GRN: variants seen among roughly 807,000 people sequenced by gnomAD.
GRN encodes the protein progranulin.
A neutral mutation model predicts 66.7 loss-of-function variants in GRN; 30 were observed. The ratio of observed to expected loss-of-function variants is 0.45; its 90% CI spans 0.34 to 0.61. The LOEUF (loss-of-function observed/expected upper bound fraction) is 0.61, where lower values mean the gene tolerates loss of function less well. GRN is among the 20% of genes least tolerant of loss of function. The pLI is 0.01. For synonymous variants in GRN, 327 were observed against 311.1 expected (o/e 1.05, Z -0.54); for missense variants, 731 against 803.5 (o/e 0.91, Z 1.09).
rs754784165 is a variant in GRN, at chr17:44,350,681, C to T, written c.599-10C>T. On this transcript the variant is annotated splice_polypyrimidine_tract_variant and intron_variant, in intron 6 of 12. Coordinates refer to ENST00000053867, the MANE Select transcript of GRN (RefSeq NM_002087.4). ...ATCCTGGCTGCCCCTCACGTTTGCT[C>T]CTCTTCCAGTGGCCTTGTCCAGCTC... is the stretch of plus-strand genomic sequence containing the variant. 4 of 1,613,080 alleles carry T rather than the reference C, an allele frequency of 2.5e-6. No individual in the cohort carries two copies. In the African/African-American group the frequency reaches 4.0e-5, roughly 16 times the overall value.
rs369538000 is a variant in GRN at position 44,352,101 on chromosome 17, C to T, written c.1266C>T (p.Ile422=). ...GGCAGTGTCAGCGAGGAAGCGAGAT[C>T]GTGGCTGGACTGGAGAAGATGCCTG... ...AEGQCQRGSE[I]VAGLEKMPAR... Residue 422 remains isoleucine (I), a synonymous_variant, in exon 11 of 13, where the codon ATC becomes ATT. Coordinates refer to ENST00000053867, the MANE Select transcript of GRN (RefSeq NM_002087.4). 3.7e-6 allele frequency: 6 copies of T among 1,613,770 alleles called. No individual in the cohort carries two copies. The highest frequency in any genetic ancestry group is 2.2e-5 in the East Asian group (1 of 44,896).
chr17:44,350,184 T>G, intron 4 of GRN, 44 bp from the exon 5 acceptor site: 1 of 1,294,828 alleles, frequency 7.7e-7, no homozygotes, highest in Non-Finnish European at 1.1e-6. Context: ...GGGAGTCACC[T>G]TCCCTGAGTG....
intron 1 of GRN, among the ~76,000 whole-genome samples, chr17:44,347,146 G>A (rs2048331883): frequency 6.6e-6 from 1 of 151,872 alleles, no homozygotes; most frequent in Admixed American, 6.6e-5. Flanking sequence ...AAAAAGAAAT[G>A]CCATGTAAAT....
Position 44,352,897 on chromosome 17 carries a change from G to C in GRN, c.*99G>C. 2 of 1,180,656 alleles carry C rather than the reference G, an allele frequency of 1.7e-6. No homozygotes were observed. The highest frequency in any genetic ancestry group is 2.5e-6 in the Non-Finnish European group (2 of 816,066). 73.1% of individuals were successfully genotyped at this position (1,180,656 alleles called of 1,614,324 possible). A position where few individuals can be genotyped will look rare whatever the true frequency, so the allele number is the denominator to read the frequency against. ...CCTCCCCCTAACCAAATTCTCCCTG[G>C]ACCCCATTCTGAGCTCCCCATCACC... On this transcript the variant is annotated 3_prime_UTR_variant, in exon 13 of 13. Coordinates refer to ENST00000053867, the MANE Select transcript of GRN (RefSeq NM_002087.4).
At chr17:44,348,795 C>T (rs1273728701) in intron 1 of GRN, among the ~76,000 whole-genome samples, 4 of 152,226 alleles carry the variant, frequency 2.6e-5, no homozygotes, top group South Asian at 2.1e-4. Flanking sequence ...CCCCTCACCC[C>T]AGAGGTGGCC....
At position 44,351,801 on chromosome 17, in the gene GRN, T is replaced by A; in HGVS notation, c.1179+6T>A. On this transcript the variant is annotated splice_donor_region_variant and intron_variant, in intron 10 of 12. Transcript: ENST00000053867. ...GCTGCTGTCCAATCCCAGAGGTATATGGGAGGGGACAGCATCTTGGCCTGG... is the reference window on the plus strand; with the variant it reads ...GCTGCTGTCCAATCCCAGAGGTATAAGGGAGGGGACAGCATCTTGGCCTGG... The A allele has an allele frequency of 6.2e-7, 1 of 1,612,552 alleles. No homozygotes were observed.
chr17:44,351,124 G>C lies in GRN; in HGVS notation c.796G>C (p.Ala266Pro), dbSNP rs747362041. The stretch of plus-strand genomic sequence containing the variant: ...GAGTAAGTGCCTCTCCAAGGAGAAC[G>C]CTACCACGGACCTCCTCACTAAGCT... ...IQSKCLSKENATTDLLTKLPA... is the reference protein window; with the variant it reads ...IQSKCLSKENPTTDLLTKLPA... The change falls in exon 8 of 13, where the codon GCT becomes CCT. Residue 266 changes from alanine (A) to proline (P), a missense_variant. Ala to Pro is a conservative substitution (Grantham distance 27). Coordinates refer to ENST00000053867, the MANE Select transcript of GRN (RefSeq NM_002087.4). 2.0e-5 allele frequency: 33 copies of C among 1,613,930 alleles called. No individual in the cohort carries two copies. Among genetic ancestry groups the C allele is most frequent in the Non-Finnish European group, 2.5e-5 (30 of 1,179,950 alleles).
chr17:44,347,746 G>C (rs146364320), intron 1 of GRN, among the ~76,000 whole-genome samples: 9,552 of 150,524 alleles, frequency 0.063, 342 homozygotes, highest in African/African-American at 0.069. Context: ...GAGGTCAGGA[G>C]TTCAAGACCA....
In GRN at chr17:44,349,694, T is replaced by G. The variant is rs746425939; in HGVS notation, c.292T>G (p.Cys98Gly). The change falls in exon 4 of 13, where the codon TGC (cysteine) becomes GGC (glycine). Residue 98 changes from cysteine (C) to glycine (G), a missense_variant. Transcript: ENST00000053867. ...EAVACGDGHH[C>G]CPRGFHCSAD... Reference sequence around the variant, plus strand: ...CGTGGCATGCGGGGATGGCCATCACTGCTGCCCACGGGGCTTCCACTGCAG... The same window carrying G: ...CGTGGCATGCGGGGATGGCCATCACGGCTGCCCACGGGGCTTCCACTGCAG... The G allele has an allele frequency of 1.1e-5, 18 of 1,613,016 alleles. No homozygotes were observed.
intron 1 of GRN, 86 bp from the exon 2 acceptor site, chr17:44,349,072 G>A (rs2048346342): frequency 1.4e-6 from 2 of 1,454,712 alleles, no homozygotes; most frequent in African/African-American, 2.8e-5. Context: ...CCAGGACCTT[G>A]GCCTGGGGCT....
intron 1 of GRN, among the ~76,000 whole-genome samples, chr17:44,346,970 A>G (rs981708404): frequency 3.3e-5 from 5 of 152,034 alleles, no homozygotes; most frequent in African/African-American, 1.2e-4. Context: ...TACAAAAATT[A>G]GCCAGGTGTG....
Position 44,352,217 on chromosome 17 carries a change from G to A in GRN, c.1382G>A (p.Gly461Asp). The change falls in exon 11 of 13, where the codon GGT (glycine) becomes GAT (aspartate). Residue 461 changes from glycine (G) to aspartate (D), a missense_variant. By Grantham distance (94) the Gly-to-Asp change is moderately conservative (BLOSUM62 -1). Around this residue, in one of 3 missense-constraint regions of GRN, gnomAD observed 319 missense variants for 347.2 expected, o/e 0.92. Coordinates refer to ENST00000053867, the MANE Select transcript of GRN (RefSeq NM_002087.4). ...GGGCAGACCTGCTGCCCGAGCCTGG[G>A]TGGGAGCTGGGCCTGCTGCCAGTTG... is the stretch of plus-strand genomic sequence containing the variant. ...PVGQTCCPSL[G>D]GSWACCQLPH... is the part of the protein sequence containing the mutation. 1 of 1,612,880 alleles carries A rather than the reference G, an allele frequency of 6.2e-7. No homozygotes were observed. The highest frequency in any genetic ancestry group is 8.5e-7 in the Non-Finnish European group (1 of 1,179,806).
rs528376694 is a variant in GRN at position 44,346,415 on chromosome 17, C to G, written c.-8+1081C>G. ...TGGGTGAGATTTCCTGCCCCTCCCC[C>G]CGCAGTGGTATCCACACCTAGACTC... On this transcript the variant is annotated intron_variant, in intron 1 of 12. Transcript: ENST00000053867. Among the ~76,000 whole-genome samples the G allele has an allele frequency of 1.5e-4, 23 of 152,294 alleles. No individual in the cohort carries two copies. The East Asian group carries it at 4.4e-3, about 29-fold the overall frequency.
In GRN at chr17:44,351,698, A is replaced by G; in HGVS notation, c.1082A>G (p.Lys361Arg). ...AGCCTGCCAGACCCACAAGCCTTGA[A>G]GAGAGATGTCCCCTGTGATAATGTC... ...HLSLPDPQALKRDVPCDNVSS... is the reference protein window; with the variant it reads ...HLSLPDPQALRRDVPCDNVSS... The change falls in exon 10 of 13, where the codon AAG becomes AGG. Residue 361 changes from lysine (K) to arginine (R), a missense_variant. Physicochemically the swap from Lys to Arg is conservative, Grantham distance 26. Coordinates refer to ENST00000053867, the MANE Select transcript of GRN (RefSeq NM_002087.4). 6.2e-7 allele frequency: 1 copy of G among 1,613,946 alleles called. No individual in the cohort carries two copies. The highest frequency in any genetic ancestry group is 1.1e-5 in the South Asian group (1 of 91,078).
At chr17:44,349,014 C>T in intron 1 of GRN, 144 bp from the exon 2 acceptor site, 1 of 869,500 alleles carries the variant, frequency 1.2e-6, no homozygotes, top group Non-Finnish European at 1.9e-6. Flanking sequence ...CTGCAGATTT[C>T]TGCCTGCCTG....
intron 1 of GRN, among the ~76,000 whole-genome samples, chr17:44,346,475 C>G (rs1195612199): frequency 6.6e-6 from 1 of 152,196 alleles, no homozygotes; most frequent in East Asian, 1.9e-4. Flanking sequence ...AGAGCAACTT[C>G]TCAGGCCCTC....
In GRN at chr17:44,349,679, G is replaced by C; in HGVS notation, c.277G>C (p.Gly93Arg). Residue 93 changes from glycine (G) to arginine (R), a missense_variant, in exon 4 of 13, where the codon GGG (glycine) becomes CGG (arginine). Physicochemically the swap from Gly to Arg is moderately radical, Grantham distance 125 (BLOSUM62 -2). Around this residue, in one of 3 missense-constraint regions of GRN, gnomAD observed 370 missense variants for 379.8 expected, o/e 0.97. Coordinates refer to ENST00000053867, the MANE Select transcript of GRN (RefSeq NM_002087.4). ...CTGTGTTCCACAGGCCGTGGCATGC[G>C]GGGATGGCCATCACTGCTGCCCACG... Reference protein sequence around the residue: ...CCPFPEAVACGDGHHCCPRGF... With the variant: ...CCPFPEAVACRDGHHCCPRGF... 1 of 1,612,572 alleles carries C rather than the reference G, an allele frequency of 6.2e-7. No homozygotes were observed. Among genetic ancestry groups the C allele is most frequent in the Non-Finnish European group, 8.5e-7 (1 of 1,178,660 alleles).
In GRN at chr17:44,349,473, G is replaced by A. The variant is rs2048350899; in HGVS notation, c.186G>A (p.Gln62=). The change falls in exon 3 of 13, where the codon CAG becomes CAA. Residue 62 remains glutamine, a synonymous_variant. Coordinates refer to ENST00000053867, the MANE Select transcript of GRN (RefSeq NM_002087.4). ...GCAGGCATCTGGGTGGCCCCTGCCA[G>A]GTTGATGCCCACTGCTCTGCCGGCC... ...TLSRHLGGPC[Q]VDAHCSAGHS... 16 of 1,614,070 alleles carry A rather than the reference G, an allele frequency of 9.9e-6. No homozygotes were observed. Among genetic ancestry groups the A allele is most frequent in the African/African-American group, 1.3e-5 (1 of 74,958 alleles).
chr17:44,350,176 G>GTC (rs113219200), intron 4 of GRN, 52 bp from the exon 5 acceptor site: 3 of 1,231,602 alleles, frequency 2.4e-6, no homozygotes, highest in Non-Finnish European at 1.2e-6. Context: ...TGTGATGGGG[G>GTC]AGTCACCTTC....
Sources: allele counts gnomAD v4.1 joint callset (sites outside exome capture counted in the v4.1 genomes callset), GRCh38; gene constraint gnomAD v4.1.1; regional missense constraint gnomAD v4.1.1; transcripts MANE v1.5; gene names NCBI Gene and HGNC (gene_info 2026-07-23, HGNC 2026-07-21).